Variants in FHAD1 observed in about 807,000 individuals in gnomAD.
FHAD1 encodes the protein forkhead-associated domain-containing protein 1.
In FHAD1, 146 loss-of-function variants were observed where a neutral mutation model predicts 191.3. The observed-to-expected ratio is 0.76, with a 90% CI of 0.67 to 0.88. The LOEUF is 0.88. FHAD1 is among the 40% of genes least tolerant of loss of function. The pLI is 0.00. For synonymous variants in FHAD1, 616 were observed against 672.3 expected (o/e 0.92, Z 1.29); for missense variants, 1,635 against 1,785.8 (o/e 0.92, Z 1.52).
rs1259190339 is a variant in FHAD1, at chr1:15,289,599, G to A, written c.501G>A (p.Val167=). 1 of 1,551,742 alleles carries A rather than the reference G, an allele frequency of 6.4e-7. No individual in the cohort carries two copies. The highest frequency in any genetic ancestry group is 1.2e-5 in the South Asian group (1 of 84,058). Residue 167 remains valine, a synonymous_variant, in exon 4 of 34, where the codon GTG becomes GTA. Coordinates refer to ENST00000688493, the MANE Select transcript of FHAD1 (RefSeq NM_001391957.1). The surrounding 1 kb of genome is among the most constrained non-coding windows in gnomAD (Gnocchi z 4.2). ...VVLPASHRRP[V]SANKEMFSFV... ...TGCCGGCCTCCCACAGGCGGCCTGT[G>A]AGCGCCAACAAGGAGATGTTCTCGT...
At chr1:15,400,642 G>T (rs1169571121), downstream of FHAD1, among the ~76,000 whole-genome samples, 1 of 152,196 alleles carries the variant, frequency 6.6e-6, no homozygotes, top group African/African-American at 2.4e-5. Flanking sequence ...TTCTACAATG[G>T]ACAAAAGAAC....
At chr1:15,306,227 A>T (rs1469373399) in intron 6 of FHAD1, among the ~76,000 whole-genome samples, 2 of 152,242 alleles carry the variant, frequency 1.3e-5, no homozygotes, top group East Asian at 1.9e-4. Context: ...TGGAACTTTG[A>T]ACTTGAGAGA....
chr1:15,371,343 A>G (rs1570369655), intron 26 of FHAD1, among the ~76,000 whole-genome samples: 1 of 152,178 alleles, frequency 6.6e-6, no homozygotes, highest in South Asian at 2.1e-4. Flanking sequence ...ATTATGTGGA[A>G]GGATTAGTGG....
chr1:15,266,566 T>C (rs956757635), intron 2 of FHAD1, among the ~76,000 whole-genome samples: 7 of 152,314 alleles, frequency 4.6e-5, no homozygotes, highest in Non-Finnish European at 7.3e-5. Flanking sequence ...TTTGTTGCAA[T>C]TGATGAATCA....
At chr1:15,357,916 T>G in intron 20 of FHAD1, 194 bp from the exon 21 acceptor site, 2 of 501,870 alleles carry the variant, frequency 4.0e-6, no homozygotes, top group Non-Finnish European at 7.0e-6. Flanking sequence ...AGGAGACAGA[T>G]CTCCGCTGAA....
upstream of FHAD1, among the ~76,000 whole-genome samples, chr1:15,244,443 T>C (rs1221244862): frequency 6.6e-6 from 1 of 152,128 alleles, no homozygotes; most frequent in South Asian, 2.1e-4. This position sits in a 1 kb window ranked among gnomAD's most constrained non-coding sequence, Gnocchi z 5.1. Context: ...CTGGGGTCTG[T>C]CTGATAGCAA....
At chr1:15,340,900 C>T (rs555474394) in intron 15 of FHAD1, among the ~76,000 whole-genome samples, 24 of 152,082 alleles carry the variant, frequency 1.6e-4, no homozygotes, top group African/African-American at 2.7e-4. Flanking sequence ...ACTTTATTTA[C>T]GGCGGGCACG....
intron 2 of FHAD1, among the ~76,000 whole-genome samples, chr1:15,262,205 G>C (rs1651398286): frequency 6.6e-6 from 1 of 152,208 alleles, no homozygotes; most frequent in Non-Finnish European, 1.5e-5. Flanking sequence ...ATGCAGCAGA[G>C]GTGGGACTTG....
chr1:15,262,943 C>T (rs1228112790), intron 2 of FHAD1, among the ~76,000 whole-genome samples: 2 of 152,330 alleles, frequency 1.3e-5, no homozygotes, highest in East Asian at 1.9e-4. Context: ...GAGGGTTTAA[C>T]ATCTCCACGT....
intron 26 of FHAD1, 98 bp from the exon 27 acceptor site, chr1:15,374,404 A>G: frequency 7.0e-7 from 1 of 1,433,822 alleles, no homozygotes; most frequent in South Asian, 1.3e-5. Flanking sequence ...GTGCTAAGTG[A>G]CTGGGTTCCT....
intron 32 of FHAD1, among the ~76,000 whole-genome samples, chr1:15,390,402 C>A (rs1703670369): frequency 1.3e-5 from 2 of 148,308 alleles, no homozygotes; most frequent in South Asian, 4.4e-4. Flanking sequence ...TTTCTGGCTT[C>A]TTTGGGAAAC....
intron 1 of FHAD1, among the ~76,000 whole-genome samples, chr1:15,251,273 CA>C (rs35431694): frequency 4.3e-4 from 51 of 118,886 alleles, no homozygotes; most frequent in East Asian, 8.3e-4. Context: ...GACCCTGTCT[CA>C]AAAAAAAAAA....
At chr1:15,401,453 C>G (rs950301777), downstream of FHAD1, among the ~76,000 whole-genome samples, 4 of 152,238 alleles carry the variant, frequency 2.6e-5, no homozygotes, top group African/African-American at 9.6e-5. Context: ...CAATCTTCTT[C>G]TGATCTTTCA....
At chr1:15,275,037 G>A (rs547504183) in intron 3 of FHAD1, among the ~76,000 whole-genome samples, 172 of 151,624 alleles carry the variant, frequency 1.1e-3, no homozygotes, top group Non-Finnish European at 2.1e-3. Flanking sequence ...AGCTCGGCTC[G>A]CTGCAAGCTC....
intron 16 of FHAD1, 99 bp downstream of exon 16, chr1:15,341,987 C>A: frequency 9.7e-7 from 1 of 1,033,716 alleles, no homozygotes; most frequent in Non-Finnish European, 1.3e-6. Flanking sequence ...GAAATCTCAG[C>A]TACTCTGTTT....
chr1:15,290,848 A>G (rs1376123944), intron 4 of FHAD1, among the ~76,000 whole-genome samples: 1 of 152,040 alleles, frequency 6.6e-6, no homozygotes, highest in Non-Finnish European at 1.5e-5. Context: ...AGCTGGGACT[A>G]CAGGCTCCTG....
intron 1 of FHAD1, among the ~76,000 whole-genome samples, chr1:15,241,601 T>C (rs1212340594): frequency 6.6e-6 from 1 of 151,898 alleles, no homozygotes; most frequent in Admixed American, 6.6e-5. Flanking sequence ...AGTGAGATCA[T>C]ATCATGGCAC....
chr1:15,369,570 C>G lies in FHAD1; in HGVS notation c.3447+68C>G, dbSNP rs111734563. 10,535 of 1,491,012 alleles carry G rather than the reference C, an allele frequency of 7.1e-3. 617 individuals are homozygous for G. In the African/African-American group the frequency reaches 0.13, roughly 18 times the overall value. The allele number at this position is 1,491,012 out of a possible 1,614,324, so 92.4% of individuals were successfully genotyped here. ...ACACAGCCCAGTGGTGGCTGTCTTT[C>G]CTTTTGAAGACACTTTCATTCTAAG... On this transcript the variant is annotated intron_variant, in intron 26 of 33. Transcript: ENST00000688493.
In FHAD1 at chr1:15,381,112, A is replaced by G. The variant is rs760368651; in HGVS notation, c.3802-119A>G. On this transcript the variant is annotated intron_variant, in intron 29 of 33. Coordinates refer to ENST00000688493, the MANE Select transcript of FHAD1 (RefSeq NM_001391957.1). The surrounding 1 kb of genome is among the most constrained non-coding windows in gnomAD (Gnocchi z 4.6). ...CCCCAGTTGCACATCCTTTCAAAGC[A>G]TGTGCGTGTTCTCTGCAATTGCAGA... 2.9e-6 allele frequency: 2 copies of G among 697,264 alleles called. No homozygotes were observed. The highest frequency in any genetic ancestry group is 4.9e-6 in the Non-Finnish European group (2 of 409,940). 43.2% of individuals were successfully genotyped at this position (697,264 alleles called of 1,614,324 possible).
Sources: allele counts gnomAD v4.1 joint callset (sites outside exome capture counted in the v4.1 genomes callset), GRCh38; gene constraint gnomAD v4.1.1; non-coding constraint Gnocchi (gnomAD v3.1); transcripts MANE v1.5; gene names NCBI Gene and HGNC (gene_info 2026-07-23, HGNC 2026-07-21).